The following MAGI1 variants were observed in gnomAD, a reference collection of about 807,000 sequenced individuals.
The protein encoded by MAGI1 is membrane-associated guanylate kinase, WW and PDZ domain-containing protein 1.
Under a neutral mutation model 139.9 loss-of-function variants are expected in MAGI1, and 58 were observed. That is an observed-to-expected ratio of 0.41 (90% confidence interval 0.34 to 0.52). The LOEUF is 0.52. Ranked by LOEUF, MAGI1 falls within the 20% of genes least tolerant of loss-of-function variation. MAGI1 has a pLI of 0.12. For missense variants in MAGI1, 1,874 were observed against 1,901.6 expected (o/e 0.99, Z 0.27); for synonymous variants, 812 against 737.9 (o/e 1.10, Z -1.63).
intron 1 of MAGI1, among the ~76,000 whole-genome samples, chr3:65,645,484 C>G (rs1559750519): frequency 6.6e-6 from 1 of 151,982 alleles, no homozygotes; most frequent in Non-Finnish European, 1.5e-5. Flanking sequence ...AAGAGATTCT[C>G]AGGTAACAAA....
intron 1 of MAGI1, among the ~76,000 whole-genome samples, chr3:65,732,839 C>CA (rs138285943): frequency 0.031 from 4,659 of 151,988 alleles, 240 homozygotes; most frequent in African/African-American, 0.1. Context: ...TAAGGTCTGG[C>CA]AAAAAAACTA....
intron 1 of MAGI1, among the ~76,000 whole-genome samples, chr3:65,715,145 C>T (rs1038847228): frequency 7.9e-5 from 12 of 152,254 alleles, no homozygotes; most frequent in Middle Eastern, 3.4e-3. Flanking sequence ...GGAAGAAAAA[C>T]GACCTCAGAC....
intron 1 of MAGI1, among the ~76,000 whole-genome samples, chr3:65,786,549 C>T (rs1170806106): frequency 2.0e-5 from 3 of 151,810 alleles, no homozygotes; most frequent in African/African-American, 7.3e-5. Flanking sequence ...GCAATCCTAC[C>T]ACCTCAGCCT....
chr3:65,524,408 G>T (rs764160341), intron 2 of MAGI1, among the ~76,000 whole-genome samples: 40 of 152,122 alleles, frequency 2.6e-4, no homozygotes, highest in Admixed American at 5.9e-4. Flanking sequence ...CTCTCACACA[G>T]GACTGGGAAC....
At chr3:65,786,608 A>ATTTTT (rs34768515) in intron 1 of MAGI1, among the ~76,000 whole-genome samples, 1 of 128,370 alleles carries the variant, frequency 7.8e-6, no homozygotes, top group South Asian at 2.5e-4. Context: ...TGGCCCAAGA[A>ATTTTT]TTTTTTTTTT....
intron 1 of MAGI1, among the ~76,000 whole-genome samples, chr3:65,769,106 T>C (rs1208120715): frequency 6.6e-6 from 1 of 152,182 alleles, no homozygotes; most frequent in African/African-American, 2.4e-5. Context: ...TTGAACTCAA[T>C]ATTGGCTTTC....
chr3:65,818,632 A>C (rs2041757995), intron 1 of MAGI1, among the ~76,000 whole-genome samples: 1 of 152,172 alleles, frequency 6.6e-6, no homozygotes, highest in Admixed American at 6.5e-5. Flanking sequence ...TGAAGGAGGA[A>C]CCCAACGTTT....
At chr3:65,719,578 C>T (rs879591189) in intron 1 of MAGI1, among the ~76,000 whole-genome samples, 68 of 150,152 alleles carry the variant, frequency 4.5e-4, no homozygotes, top group Non-Finnish European at 8.1e-4. Context: ...CAGGGTCTCA[C>T]TCTGTAGCCC....
rs375619556 is a variant in MAGI1 at position 65,385,894 on chromosome 3, T to C, written c.2417-2271A>G. On this transcript the variant is annotated intron_variant, in intron 14 of 22. Coordinates refer to ENST00000402939, the MANE Select transcript of MAGI1 (RefSeq NM_001033057.2). Reference sequence around the variant, plus strand: ...AGGATATTTGCTGTAATAGCCTCAATGAAACAACAAATTAAATCAAGTTGT... The same window carrying C: ...AGGATATTTGCTGTAATAGCCTCAACGAAACAACAAATTAAATCAAGTTGT... 3.3e-5 allele frequency among the ~76,000 whole-genome samples: 5 copies of C among 152,342 alleles called. No homozygotes were observed. In the East Asian group the frequency reaches 9.6e-4, roughly 29 times the overall value.
chr3:65,916,925 A>G (rs931135006), intron 1 of MAGI1, among the ~76,000 whole-genome samples: 1 of 152,200 alleles, frequency 6.6e-6, no homozygotes, highest in Admixed American at 6.5e-5. Context: ...AAAATCTTGG[A>G]TAATCATACA....
At chr3:65,555,141 GA>G (rs2080024725) in intron 2 of MAGI1, among the ~76,000 whole-genome samples, 1 of 152,066 alleles carries the variant, frequency 6.6e-6, no homozygotes, top group Non-Finnish European at 1.5e-5. Context: ...AAATTATTTC[GA>G]AATTAAAAGG....
At chr3:65,907,846 C>T (rs1030281297) in intron 1 of MAGI1, among the ~76,000 whole-genome samples, 4 of 152,146 alleles carry the variant, frequency 2.6e-5, no homozygotes, top group Admixed American at 2.6e-4. Context: ...TTTTAGGAAA[C>T]ATTCTTGTTC....
rs1432376961 is a variant in MAGI1, at chr3:65,869,213, G to A, written c.313+168783C>T. ...GGAGCTTGCAGTGAGCCGAGATCGC[G>A]CCACTGCACTCCAGCCTGGGTGACA... On this transcript the variant is annotated intron_variant, in intron 1 of 22. Transcript: ENST00000402939. Among the ~76,000 whole-genome samples the A allele has an allele frequency of 1.3e-4, 19 of 141,372 alleles. No homozygotes were observed. In the South Asian group the frequency reaches 2.6e-3, roughly 19 times the overall value. The allele number at this position is 141,372 out of a possible 152,430, so 92.7% of individuals were successfully genotyped here. A position where few individuals can be genotyped will look rare whatever the true frequency, so the allele number is the denominator to read the frequency against.
At chr3:65,796,763 G>A (rs1419376792) in intron 1 of MAGI1, among the ~76,000 whole-genome samples, 1 of 152,160 alleles carries the variant, frequency 6.6e-6, no homozygotes, top group African/African-American at 2.4e-5. Context: ...TGGCATTGCA[G>A]ACCATATGCT....
chr3:65,987,520 T>C (rs907649897), intron 1 of MAGI1, among the ~76,000 whole-genome samples: 1 of 152,104 alleles, frequency 6.6e-6, no homozygotes, highest in Non-Finnish European at 1.5e-5. Context: ...GGTGCAAAAT[T>C]TAAGAGGCAC....
At chr3:65,499,124 G>T in intron 2 of MAGI1, 1 of 761,170 alleles carries the variant, frequency 1.3e-6, no homozygotes, top group Non-Finnish European at 1.6e-6. Context: ...TCCACGATTT[G>T]TTTTAAAAAT....
intron 2 of MAGI1, among the ~76,000 whole-genome samples, chr3:65,505,201 T>G (rs1186445568): frequency 6.6e-6 from 1 of 152,162 alleles, no homozygotes; most frequent in African/African-American, 2.4e-5. Context: ...AGCAATTGTT[T>G]GTGTAAAATG....
At chr3:65,747,743 C>T (rs909888683) in intron 1 of MAGI1, among the ~76,000 whole-genome samples, 2 of 152,140 alleles carry the variant, frequency 1.3e-5, no homozygotes, top group Non-Finnish European at 2.9e-5. Flanking sequence ...GAGGAGAAGG[C>T]GTCCATGGAG....
chr3:65,766,711 G>C (rs1442505761), intron 1 of MAGI1, among the ~76,000 whole-genome samples: 1 of 151,986 alleles, frequency 6.6e-6, no homozygotes, highest in East Asian at 2.0e-4. Flanking sequence ...CCAATCTGGT[G>C]AAACCCTGTC....
Sources: gnomAD v4.1 joint callset for allele counts (sites outside exome capture counted in the v4.1 genomes callset) on GRCh38, gnomAD v4.1.1 for gene constraint, MANE v1.5 for transcripts, NCBI Gene and HGNC (gene_info 2026-07-23, HGNC 2026-07-21) for gene names.